Variants in FIGN observed in about 807,000 individuals in gnomAD.
The protein encoded by FIGN is fidgetin.
FIGN carries 11 observed loss-of-function variants against 51.3 expected under a neutral mutation model. The ratio of observed to expected loss-of-function variants is 0.21; its 90% CI spans 0.13 to 0.35. The LOEUF (loss-of-function observed/expected upper bound fraction) is 0.35, where lower values mean the gene tolerates loss of function less well. FIGN is among the 10% of genes least tolerant of loss of function. The pLI is 1.00. For synonymous variants in FIGN, 407 were observed against 363.2 expected (o/e 1.12, Z -1.37); for missense variants, 857 against 943.6 (o/e 0.91, Z 1.20).
intron 2 of FIGN, among the ~76,000 whole-genome samples, chr2:163,698,855 G>A (rs569072696): frequency 6.6e-5 from 10 of 152,190 alleles, no homozygotes; most frequent in South Asian, 2.1e-4. Flanking sequence ...TTAAGTTCCC[G>A]TCAGTAAGAA....
chr2:163,644,691 A>G (rs1683355771), intron 2 of FIGN, among the ~76,000 whole-genome samples: 2 of 152,188 alleles, frequency 1.3e-5, no homozygotes, highest in Admixed American at 6.5e-5. Context: ...ATATTCATCA[A>G]CCTAGGAATG....
chr2:163,616,853 A>G (rs1026221200), intron 2 of FIGN, among the ~76,000 whole-genome samples: 1 of 152,176 alleles, frequency 6.6e-6, no homozygotes, highest in African/African-American at 2.4e-5. Context: ...CAGAACTAAC[A>G]TACAGAGCAT....
intron 2 of FIGN, among the ~76,000 whole-genome samples, chr2:163,624,988 CT>C (rs900364747): frequency 1.3e-5 from 2 of 151,882 alleles, no homozygotes; most frequent in African/African-American, 4.8e-5. Flanking sequence ...GCAATAATCT[CT>C]TTTTTTCTAT....
At chr2:163,701,592 G>T (rs1352186898) in intron 2 of FIGN, among the ~76,000 whole-genome samples, 1 of 152,194 alleles carries the variant, frequency 6.6e-6, no homozygotes, top group Non-Finnish European at 1.5e-5. Context: ...AAAGCTCCCA[G>T]CAGAGTATAC....
At chr2:163,647,701 T>A (rs1213879753) in intron 2 of FIGN, among the ~76,000 whole-genome samples, 1 of 152,234 alleles carries the variant, frequency 6.6e-6, no homozygotes, top group African/African-American at 2.4e-5. Flanking sequence ...AAACTATTCA[T>A]ACAAATGTAC....
chr2:163,666,382 A>G (rs1429182299), intron 2 of FIGN, among the ~76,000 whole-genome samples: 3 of 152,190 alleles, frequency 2.0e-5, no homozygotes, highest in Non-Finnish European at 2.9e-5. Flanking sequence ...TGTCTCCTCC[A>G]ACTGTCCAAA....
At chr2:163,716,153 G>A (rs118064142) in intron 2 of FIGN, among the ~76,000 whole-genome samples, 6 of 152,166 alleles carry the variant, frequency 3.9e-5, no homozygotes, top group Admixed American at 1.3e-4. Context: ...TGTAAACAGC[G>A]TAATGAAGAC....
chr2:163,629,571 A>G (rs1314617054), intron 2 of FIGN, among the ~76,000 whole-genome samples: 1 of 152,166 alleles, frequency 6.6e-6, no homozygotes, highest in East Asian at 1.9e-4. Context: ...ATCCATAGTC[A>G]GTAAACTACG....
At chr2:163,654,011 G>C (rs139798039) in intron 2 of FIGN, among the ~76,000 whole-genome samples, 52 of 152,148 alleles carry the variant, frequency 3.4e-4, no homozygotes, top group South Asian at 2.5e-3. Context: ...ATGAATATAA[G>C]GATAATTTGA....
At chr2:163,661,868 A>G (rs1469816614) in intron 2 of FIGN, among the ~76,000 whole-genome samples, 2 of 152,160 alleles carry the variant, frequency 1.3e-5, no homozygotes, top group Admixed American at 6.5e-5. Flanking sequence ...CTCCCCAGCC[A>G]TGTGGAACTG....
At chr2:163,617,288 A>G (rs1277318578) in intron 2 of FIGN, 16 of 956,338 alleles carry the variant, frequency 1.7e-5, no homozygotes, top group East Asian at 1.1e-4. Context: ...AGAAGATTTT[A>G]TAAGCTGAAT....
intron 2 of FIGN, among the ~76,000 whole-genome samples, chr2:163,691,409 C>T (rs2105345378): frequency 6.6e-6 from 1 of 152,268 alleles, no homozygotes; most frequent in East Asian, 1.9e-4. Context: ...AAACGAGGAA[C>T]AATCTTGCTA....
At chr2:163,725,755 C>A (rs549545167) in intron 2 of FIGN, among the ~76,000 whole-genome samples, 3 of 152,036 alleles carry the variant, frequency 2.0e-5, no homozygotes, top group African/African-American at 4.8e-5. Flanking sequence ...CATTATTGCA[C>A]TGTATATGCT....
At chr2:163,685,341 T>TG (rs1458317276) in intron 2 of FIGN, among the ~76,000 whole-genome samples, 11 of 152,202 alleles carry the variant, frequency 7.2e-5, no homozygotes, top group African/African-American at 2.7e-4. Flanking sequence ...ATATCTTCCT[T>TG]GGGGTCTTTC....
intron 2 of FIGN, among the ~76,000 whole-genome samples, chr2:163,680,878 G>A (rs959246125): frequency 6.6e-6 from 1 of 152,028 alleles, no homozygotes; most frequent in African/African-American, 2.4e-5. Context: ...TGCCTTATTA[G>A]TTCTGGTATC....
chr2:163,692,488 C>T (rs1684253416), intron 2 of FIGN, among the ~76,000 whole-genome samples: 1 of 152,014 alleles, frequency 6.6e-6, no homozygotes. Flanking sequence ...AATGTTTCTT[C>T]AATTAAATGA....
intron 2 of FIGN, chr2:163,616,993 T>C: frequency 1.7e-6 from 1 of 571,494 alleles, no homozygotes; most frequent in Non-Finnish European, 2.2e-6. Flanking sequence ...ATCTACTTAT[T>C]ATCATTCTTC....
chr2:163,689,195 C>CACACACACACAG (rs1308327305), intron 2 of FIGN, among the ~76,000 whole-genome samples: 1 of 148,588 alleles, frequency 6.7e-6, no homozygotes, highest in African/African-American at 2.5e-5. Context: ...CACACACACA[C>CACACACACACAG]AGAAACACAC....
intron 2 of FIGN, among the ~76,000 whole-genome samples, chr2:163,649,521 C>T (rs1683437794): frequency 6.6e-6 from 1 of 152,140 alleles, no homozygotes; most frequent in African/African-American, 2.4e-5. Flanking sequence ...GTTCCGTGTC[C>T]CAGCTGAGCT....
Sources: gnomAD v4.1 joint callset for allele counts (sites outside exome capture counted in the v4.1 genomes callset) on GRCh38, gnomAD v4.1.1 for gene constraint, MANE v1.5 for transcripts, NCBI Gene and HGNC (gene_info 2026-07-23, HGNC 2026-07-21) for gene names.